The following SLC1A3 variants were observed in gnomAD, a reference collection of about 807,000 sequenced individuals.
SLC1A3 encodes the protein solute carrier family 1 member 3.
A neutral mutation model predicts 48.1 loss-of-function variants in SLC1A3; 21 were observed. The ratio of observed to expected loss-of-function variants is 0.44; its 90% CI spans 0.31 to 0.63. SLC1A3 has a LOEUF of 0.63. Ranked by LOEUF, SLC1A3 falls within the 20% of genes least tolerant of loss-of-function variation. The probability of loss-of-function intolerance (pLI) is 0.08; values close to 1 mark genes in which losing one functional copy is unlikely to be tolerated. For synonymous variants in SLC1A3, 239 were observed against 251.4 expected, an observed-to-expected ratio of 0.95 and a Z score of 0.47; for missense variants, 546 against 689.0, an observed-to-expected ratio of 0.79 and a Z score of 2.32.
intron 2 of SLC1A3, among the ~76,000 whole-genome samples, chr5:36,612,423 A>G (rs1004249292): frequency 5.9e-5 from 9 of 152,032 alleles, no homozygotes. Context: ...CTCCAAAAAC[A>G]TTTTTTAAAA....
chr5:36,600,581 A>T (rs1005485532), intron 1 of SLC1A3, among the ~76,000 whole-genome samples: 1 of 152,214 alleles, frequency 6.6e-6, no homozygotes, highest in African/African-American at 2.4e-5. Flanking sequence ...AGTGTGATCC[A>T]TCCTTCCTGG....
At chr5:36,603,919 A>G (rs1292478626), upstream of SLC1A3, among the ~76,000 whole-genome samples, 2 of 152,130 alleles carry the variant, frequency 1.3e-5, no homozygotes, top group African/African-American at 4.8e-5. Context: ...TTGTTGCTCA[A>G]AAAAAAATCC....
In SLC1A3 at chr5:36,618,027, C is replaced by A. The variant is rs149877280; in HGVS notation, c.181+9423C>A. ...AGAGTTAGCCTCGGTACTGTACTGC[C>A]TCTGCCAAAGGTAAGCATGAGTGGA... On this transcript the variant is annotated intron_variant, in intron 2 of 9. Transcript: ENST00000265113. Among the ~76,000 whole-genome samples the A allele has an allele frequency of 2.3e-3, 352 of 152,326 alleles. 2 individuals are homozygous for A. The highest frequency in any genetic ancestry group is 3.6e-3 in the Non-Finnish European group (244 of 68,026).
intron 3 of SLC1A3, among the ~76,000 whole-genome samples, chr5:36,654,918 G>A (rs756622454): frequency 2.6e-5 from 4 of 152,166 alleles, no homozygotes; most frequent in Non-Finnish European, 5.9e-5. Context: ...GGGGACATTC[G>A]CTCTGGCTGC....
chr5:36,632,945 C>A (rs1035179434), intron 3 of SLC1A3, among the ~76,000 whole-genome samples: 1 of 152,158 alleles, frequency 6.6e-6, no homozygotes, highest in Admixed American at 6.5e-5. Context: ...CAGAAAGAAG[C>A]TGGGAGGAAG....
intron 3 of SLC1A3, among the ~76,000 whole-genome samples, chr5:36,654,703 G>A (rs1424602769): frequency 6.6e-6 from 1 of 152,156 alleles, no homozygotes; most frequent in Non-Finnish European, 1.5e-5. Flanking sequence ...TTGCATGTGT[G>A]CTCTGCGTCA....
Position 36,679,718 on chromosome 5 carries a change from A to G in SLC1A3, c.952A>G (p.Thr318Ala), listed in dbSNP as rs117588697. 5.3e-5 allele frequency: 85 copies of G among 1,613,992 alleles called. No individual in the cohort carries two copies. In the East Asian group the frequency reaches 1.9e-3, roughly 36 times the overall value. The change falls in exon 7 of 10, where the codon ACC (threonine) becomes GCC (alanine). Residue 318 changes from threonine (T) to alanine (A), a missense_variant. Around this residue, in one of 3 missense-constraint regions of SLC1A3, gnomAD observed 142 missense variants for 238.0 expected, o/e 0.60. Transcript: ENST00000265113. Reference sequence around the variant, plus strand: ...GATTGGGGGGCAGCTTGCCATGTACACCGTGACTGTCATTGTTGGCTTACT... The same window carrying G: ...GATTGGGGGGCAGCTTGCCATGTACGCCGTGACTGTCATTGTTGGCTTACT... ...GVIGGQLAMYTVTVIVGLLIH... is the reference protein window; with the variant it reads ...GVIGGQLAMYAVTVIVGLLIH...
chr5:36,605,569 AGCATATTTT>A (rs1738899970), upstream of SLC1A3, among the ~76,000 whole-genome samples: 1 of 152,162 alleles, frequency 6.6e-6, no homozygotes, highest in South Asian at 2.1e-4. Flanking sequence ...CCAAGAATTG[AGCATATTTT>A]GCATGGGGAA....
At chr5:36,651,941 AT>A in intron 3 of SLC1A3, among the ~76,000 whole-genome samples, 1 of 152,298 alleles carries the variant, frequency 6.6e-6, no homozygotes, top group South Asian at 2.1e-4. Flanking sequence ...TCCTGAAAGT[AT>A]TACACTGCTT....
rs1740829688 is a variant in SLC1A3, at chr5:36,646,085, T to C, written c.319+16498T>C. Among the ~76,000 whole-genome samples, 4 of 152,258 alleles carry C rather than the reference T, an allele frequency of 2.6e-5. No homozygotes were observed. In the South Asian group the frequency reaches 8.3e-4, roughly 31 times the overall value. ...CCAGGAGACTCTTTGGAGTAAGCTATGGGTAACCCACTGAATACTCTTTAA... is the reference window on the plus strand; with the variant it reads ...CCAGGAGACTCTTTGGAGTAAGCTACGGGTAACCCACTGAATACTCTTTAA... On this transcript the variant is annotated intron_variant, in intron 3 of 9. Transcript: ENST00000265113.
At chr5:36,604,296 T>C (rs1738841039), upstream of SLC1A3, among the ~76,000 whole-genome samples, 1 of 151,948 alleles carries the variant, frequency 6.6e-6, no homozygotes, top group Admixed American at 6.5e-5. Context: ...CAGAGACTTG[T>C]TCATAATTTC....
At chr5:36,670,936 T>C in intron 3 of SLC1A3, 93 bp from the exon 4 acceptor site, 1 of 1,064,646 alleles carries the variant, frequency 9.4e-7, no homozygotes, top group Non-Finnish European at 1.4e-6. Flanking sequence ...GGGATAAGGG[T>C]AGGGGAGTAT....
intron 3 of SLC1A3, among the ~76,000 whole-genome samples, chr5:36,642,624 T>G (rs1157538203): frequency 1.3e-5 from 2 of 152,192 alleles, no homozygotes; most frequent in Non-Finnish European, 2.9e-5. Context: ...TCTAGTATAT[T>G]TACAGAGTTG....
chr5:36,609,303 A>G lies in SLC1A3; in HGVS notation c.181+699A>G, dbSNP rs1210915201. The stretch of plus-strand genomic sequence containing the variant: ...GTTTTGTTTATTGATCTTAAAAGTT[A>G]TAGTTTATTACTTATGGGTGGCATT... On this transcript the variant is annotated intron_variant, in intron 2 of 9. Transcript: ENST00000265113. The G allele has an allele frequency of 3.3e-6, 3 of 906,344 alleles. No individual in the cohort carries two copies. In the African/African-American group the frequency reaches 5.4e-5, roughly 16 times the overall value. 56.1% of individuals were successfully genotyped at this position (906,344 alleles called of 1,614,324 possible).
At position 36,660,264 on chromosome 5, in the gene SLC1A3, A is replaced by G. The variant is rs138999753; in HGVS notation, c.320-10765A>G. Among the ~76,000 whole-genome samples, 38 of 152,274 alleles carry G rather than the reference A, an allele frequency of 2.5e-4. No individual in the cohort carries two copies. In the East Asian group the frequency reaches 6.0e-3, roughly 24 times the overall value. On this transcript the variant is annotated intron_variant, in intron 3 of 9. Transcript: ENST00000265113. ...AATGTTACTTCCACATCCTTTCTCT[A>G]TACGCCTTCCTAGACCCCTGAAATC...
chr5:36,623,226 C>G (rs961128994), intron 2 of SLC1A3, among the ~76,000 whole-genome samples: 13 of 152,038 alleles, frequency 8.6e-5, no homozygotes, highest in Non-Finnish European at 1.8e-4. Context: ...TGTTAAAATA[C>G]TAACACTGGA....
At chr5:36,622,166 G>C (rs980199858) in intron 2 of SLC1A3, among the ~76,000 whole-genome samples, 1 of 152,148 alleles carries the variant, frequency 6.6e-6, no homozygotes, top group African/African-American at 2.4e-5. Flanking sequence ...TGGCATTCCT[G>C]TAGCACTAAT....
At chr5:36,669,978 T>A (rs1045241440) in intron 3 of SLC1A3, 7 of 150,772 alleles carry the variant, frequency 4.6e-5, no homozygotes, top group Middle Eastern at 3.2e-3. Flanking sequence ...AAAAACTCAA[T>A]TAACTGTAAT....
At chr5:36,605,584 G>A (rs2111640777), upstream of SLC1A3, among the ~76,000 whole-genome samples, 1 of 152,230 alleles carries the variant, frequency 6.6e-6, no homozygotes, top group East Asian at 1.9e-4. Flanking sequence ...ATTTTGCATG[G>A]GGAATATTAA....
Sources: gnomAD v4.1 joint callset for allele counts (sites outside exome capture counted in the v4.1 genomes callset) on GRCh38, gnomAD v4.1.1 for gene constraint, gnomAD v4.1.1 regional missense constraint, MANE v1.5 for transcripts, NCBI Gene and HGNC (gene_info 2026-07-23, HGNC 2026-07-21) for gene names.